CPA6: variants seen among roughly 807,000 people sequenced by gnomAD.
The protein encoded by CPA6 is carboxypeptidase B.
CPA6 carries 58 observed loss-of-function variants against 63.3 expected under a neutral mutation model. That is an observed-to-expected ratio of 0.92 (90% confidence interval 0.74 to 1.14). The LOEUF (loss-of-function observed/expected upper bound fraction) is 1.14, where lower values mean the gene tolerates loss of function less well. CPA6 is among the 50% of genes most tolerant of loss of function. The pLI is 0.00. For missense variants in CPA6, 565 were observed against 526.6 expected (o/e 1.07, Z -0.71); for synonymous variants, 185 against 179.0 (o/e 1.03, Z -0.27).
intron 10 of CPA6, among the ~76,000 whole-genome samples, chr8:67,424,261 A>C (rs1809835205): frequency 6.6e-6 from 1 of 152,184 alleles, no homozygotes; most frequent in Non-Finnish European, 1.5e-5. Flanking sequence ...TAAAGTGCGC[A>C]ATGAATGTAA....
rs935896727 is a variant in CPA6 at position 67,424,133 on chromosome 8, C to A, written c.1127-1442G>T. 3.9e-5 allele frequency among the ~76,000 whole-genome samples: 6 copies of A among 152,186 alleles called. No homozygotes were observed. In the East Asian group the frequency reaches 1.2e-3, roughly 29 times the overall value. ...CTGATGATCTGTCACTGTCTCCCAT[C>A]ACCCCTAGATGGGACTGTCTAATTG... On this transcript the variant is annotated intron_variant, in intron 10 of 10. Coordinates refer to ENST00000297770, the MANE Select transcript of CPA6 (RefSeq NM_020361.5).
chr8:67,431,225 G>A (rs1270683217), intron 9 of CPA6, among the ~76,000 whole-genome samples: 4 of 151,752 alleles, frequency 2.6e-5, no homozygotes, highest in African/African-American at 4.8e-5. Flanking sequence ...GATAAAATAC[G>A]AAGAACATTC....
intron 2 of CPA6, among the ~76,000 whole-genome samples, chr8:67,603,134 T>C (rs1307532832): frequency 6.6e-6 from 1 of 152,192 alleles, no homozygotes; most frequent in Admixed American, 6.5e-5. Flanking sequence ...AAGAAAATGC[T>C]TTTGGTTCCA....
intron 2 of CPA6, among the ~76,000 whole-genome samples, chr8:67,524,945 A>G (rs1812331972): frequency 6.6e-6 from 1 of 152,192 alleles, no homozygotes; most frequent in Non-Finnish European, 1.5e-5. Context: ...ATAATCCTAG[A>G]CTATACTGCT....
At chr8:67,425,774 G>A (rs1398516564) in intron 10 of CPA6, among the ~76,000 whole-genome samples, 1 of 152,192 alleles carries the variant, frequency 6.6e-6, no homozygotes, top group African/African-American at 2.4e-5. Flanking sequence ...TGTGGCTTCA[G>A]TGTCCCTCTG....
chr8:67,582,221 A>T (rs1813793223), intron 2 of CPA6, among the ~76,000 whole-genome samples: 1 of 152,092 alleles, frequency 6.6e-6, no homozygotes, highest in Non-Finnish European at 1.5e-5. Flanking sequence ...CTGAGAGCCC[A>T]CCTCAGATTC....
intron 1 of CPA6, among the ~76,000 whole-genome samples, chr8:67,643,253 G>A (rs1003164621): frequency 6.6e-6 from 1 of 152,058 alleles, no homozygotes; most frequent in African/African-American, 2.4e-5. Context: ...AGCACCAAGA[G>A]GTAGGAGAGT....
intron 1 of CPA6, among the ~76,000 whole-genome samples, chr8:67,628,293 G>A (rs753188274): frequency 1.3e-5 from 2 of 152,108 alleles, no homozygotes; most frequent in African/African-American, 4.8e-5. Flanking sequence ...TGCCTTGACT[G>A]TGCAGCAGCT....
intron 2 of CPA6, among the ~76,000 whole-genome samples, chr8:67,583,279 T>C (rs2128978905): frequency 6.6e-6 from 1 of 152,284 alleles, no homozygotes. Flanking sequence ...TGATTGAAAT[T>C]ACTTAGAGTA....
chr8:67,729,030 G>A (rs1317984475), intron 1 of CPA6, among the ~76,000 whole-genome samples: 2 of 152,184 alleles, frequency 1.3e-5, no homozygotes, highest in South Asian at 4.1e-4. Flanking sequence ...ATAGCTAGTA[G>A]CAGATCTCGA....
At chr8:67,704,735 C>T (rs761010681) in intron 1 of CPA6, among the ~76,000 whole-genome samples, 5 of 152,136 alleles carry the variant, frequency 3.3e-5, no homozygotes, top group Admixed American at 6.5e-5. Flanking sequence ...TTCTAGAACC[C>T]TAAGGATGAA....
intron 2 of CPA6, among the ~76,000 whole-genome samples, chr8:67,597,933 T>TG (rs1370715738): frequency 6.6e-6 from 1 of 152,240 alleles, no homozygotes; most frequent in Admixed American, 6.5e-5. Context: ...AGACCTACAA[T>TG]GGTGGTATCT....
Position 67,461,164 on chromosome 8 carries a change from A to C in CPA6, c.838+22604T>G, listed in dbSNP as rs1587451187. Among the ~76,000 whole-genome samples, 4 of 145,808 alleles carry C rather than the reference A, an allele frequency of 2.7e-5. No homozygotes were observed. The Admixed American group carries it at 2.7e-4, about 10-fold the overall frequency. ...GTGGAGGGAAGGTCGGCAGATAAACAAGTGAACAAAGGTCTCTGGTTTTCC... is the reference window on the plus strand; with the variant it reads ...GTGGAGGGAAGGTCGGCAGATAAACCAGTGAACAAAGGTCTCTGGTTTTCC... On this transcript the variant is annotated intron_variant, in intron 8 of 10. Transcript: ENST00000297770.
At chr8:67,445,915 T>C (rs2128954791) in intron 8 of CPA6, among the ~76,000 whole-genome samples, 1 of 152,228 alleles carries the variant, frequency 6.6e-6, no homozygotes, top group Middle Eastern at 3.4e-3. Context: ...GAACATGCAA[T>C]TGTATAAATG....
chr8:67,637,119 T>C (rs1815485640), intron 1 of CPA6, among the ~76,000 whole-genome samples: 2 of 151,806 alleles, frequency 1.3e-5, no homozygotes, highest in South Asian at 4.1e-4. Flanking sequence ...TGGTGGTGGT[T>C]GTTGCAGTTA....
At chr8:67,691,850 A>G (rs1816819842) in intron 1 of CPA6, among the ~76,000 whole-genome samples, 1 of 151,838 alleles carries the variant, frequency 6.6e-6, no homozygotes, top group South Asian at 2.1e-4. Flanking sequence ...TAGTGCTTGG[A>G]AGTGTTATTT....
intron 2 of CPA6, among the ~76,000 whole-genome samples, chr8:67,606,116 G>A (rs140117787): frequency 2.7e-5 from 4 of 147,874 alleles, no homozygotes; most frequent in African/African-American, 7.5e-5. Flanking sequence ...CTCACTCATA[G>A]GTGGGAATTG....
chr8:67,675,451 G>A (rs1016926333), intron 1 of CPA6, among the ~76,000 whole-genome samples: 3 of 152,058 alleles, frequency 2.0e-5, no homozygotes, highest in African/African-American at 7.2e-5. Flanking sequence ...TTATGTCCTA[G>A]CTGAATTTTT....
intron 1 of CPA6, among the ~76,000 whole-genome samples, chr8:67,681,785 C>T (rs1220108746): frequency 6.6e-6 from 1 of 152,062 alleles, no homozygotes; most frequent in African/African-American, 2.4e-5. Flanking sequence ...AATAACACAC[C>T]ATCTTCATTA....
Sources: gnomAD v4.1 joint callset for allele counts (sites outside exome capture counted in the v4.1 genomes callset) on GRCh38, gnomAD v4.1.1 for gene constraint, MANE v1.5 for transcripts, NCBI Gene and HGNC (gene_info 2026-07-23, HGNC 2026-07-21) for gene names.